Variants in KAZN observed in about 807,000 individuals in gnomAD.
The protein encoded by KAZN is kazrin.
In KAZN, 40 loss-of-function variants were observed where a neutral mutation model predicts 87.4. The observed-to-expected ratio is 0.46, with a 90% CI of 0.36 to 0.60. The LOEUF is 0.60. Among genes scored for constraint, KAZN ranks in the 20% least tolerant of loss-of-function variants. The pLI is 0.00. For synonymous variants in KAZN, 466 were observed against 458.3 expected (o/e 1.02, Z -0.22); for missense variants, 898 against 1,073.9 (o/e 0.84, Z 2.29).
intron 1 of KAZN, among the ~76,000 whole-genome samples, chr1:14,851,844 G>A (rs1486485226): frequency 6.6e-6 from 1 of 152,172 alleles, no homozygotes; most frequent in Non-Finnish European, 1.5e-5. Context: ...ACTGTGTAGC[G>A]ATCGCTCCAC....
At chr1:14,472,195 C>T (rs748795684) in intron 2 of KAZN, among the ~76,000 whole-genome samples, 1 of 152,188 alleles carries the variant, frequency 6.6e-6, no homozygotes, top group Admixed American at 6.5e-5. Context: ...TGAAAGGCCC[C>T]ACCTGTACTA....
chr1:14,181,410 G>T (rs186551496), intron 2 of KAZN, among the ~76,000 whole-genome samples: 1 of 152,156 alleles, frequency 6.6e-6, no homozygotes, highest in Non-Finnish European at 1.5e-5. Flanking sequence ...CTTTCATTCC[G>T]CTCTGTAGCA....
intron 1 of KAZN, among the ~76,000 whole-genome samples, chr1:14,680,318 A>G (rs748524227): frequency 6.6e-6 from 1 of 152,058 alleles, no homozygotes. Context: ...GTTCCTACGT[A>G]GCCCTCCCCC....
At chr1:14,167,667 G>A (rs1425731174) in intron 1 of KAZN, among the ~76,000 whole-genome samples, 3 of 152,174 alleles carry the variant, frequency 2.0e-5, no homozygotes, top group Non-Finnish European at 2.9e-5. Context: ...AGGTTGCAGC[G>A]AGCCGAGATC....
intron 1 of KAZN, among the ~76,000 whole-genome samples, chr1:14,639,630 C>T (rs1021573081): frequency 4.6e-5 from 7 of 152,130 alleles, no homozygotes; most frequent in Admixed American, 2.6e-4. Flanking sequence ...TTTGTTCTCA[C>T]AAGCTGTTTG....
intron 2 of KAZN, among the ~76,000 whole-genome samples, chr1:14,997,366 G>A (rs1299304111): frequency 4.6e-5 from 7 of 151,760 alleles, no homozygotes; most frequent in African/African-American, 1.5e-4. Flanking sequence ...TCAGCCTCCC[G>A]AGTAGCTGGG....
intron 1 of KAZN, among the ~76,000 whole-genome samples, chr1:13,996,218 A>T (rs1639510679): frequency 6.6e-6 from 1 of 152,144 alleles, no homozygotes; most frequent in African/African-American, 2.4e-5. Context: ...AGATCGGAAG[A>T]TCCCACTCAC....
rs559577704 is a variant in KAZN at position 14,835,117 on chromosome 1, C to T, written c.227-125567C>T. ...TCATTAGAAATGCCCATCCCGCCAG[C>T]GGGATCAGAGTTTCTTGATCCCTCC... On this transcript the variant is annotated intron_variant, in intron 1 of 14. Coordinates refer to ENST00000376030, the MANE Select transcript of KAZN (RefSeq NM_201628.3). Among the ~76,000 whole-genome samples the T allele has an allele frequency of 1.8e-4, 27 of 152,324 alleles. No individual in the cohort carries two copies. The South Asian group carries it at 4.8e-3, about 27-fold the overall frequency.
At position 14,203,703 on chromosome 1, in the gene KAZN, A is replaced by G. The variant is rs1646685766; in HGVS notation, c.249+23111A>G. Reference sequence around the variant, plus strand: ...ACCCAATAAACTTAGGTACAACTCAATGTGCGCTAAAGTAATTTTAGAAAC... The same window carrying G: ...ACCCAATAAACTTAGGTACAACTCAGTGTGCGCTAAAGTAATTTTAGAAAC... On this transcript the variant is annotated intron_variant, in intron 2 of 16. Transcript: ENST00000636203. Among the ~76,000 whole-genome samples the G allele has an allele frequency of 2.6e-5, 4 of 152,218 alleles. No homozygotes were observed. In the South Asian group the frequency reaches 8.3e-4, roughly 32 times the overall value.
chr1:14,079,876 C>T (rs1026296657), intron 1 of KAZN, among the ~76,000 whole-genome samples: 1 of 151,998 alleles, frequency 6.6e-6, no homozygotes, highest in Non-Finnish European at 1.5e-5. Flanking sequence ...CCCAAACCCC[C>T]ACCACTTCCC....
intron 2 of KAZN, among the ~76,000 whole-genome samples, chr1:14,404,264 T>C (rs762103659): frequency 2.0e-5 from 3 of 152,166 alleles, no homozygotes; most frequent in Non-Finnish European, 2.9e-5. Context: ...GAACCTCAGG[T>C]AGCCCTTTCC....
At chr1:14,406,809 T>C (rs1259862327) in intron 2 of KAZN, among the ~76,000 whole-genome samples, 4 of 152,218 alleles carry the variant, frequency 2.6e-5, no homozygotes, top group Non-Finnish European at 4.4e-5. Context: ...CCAGTCAAGT[T>C]GACACATAAA....
At chr1:14,468,686 CAG>C (rs1668291349) in intron 2 of KAZN, among the ~76,000 whole-genome samples, 1 of 152,202 alleles carries the variant, frequency 6.6e-6, no homozygotes, top group Admixed American at 6.5e-5. Flanking sequence ...AGATTGAGTG[CAG>C]GCAAGGCACA....
intron 2 of KAZN, among the ~76,000 whole-genome samples, chr1:14,271,716 A>G (rs1326150722): frequency 6.6e-6 from 1 of 152,308 alleles, no homozygotes; most frequent in East Asian, 1.9e-4. Flanking sequence ...CTTAATTCTA[A>G]TTCTCAAGAT....
At chr1:14,268,880 A>G (rs1267971771) in intron 2 of KAZN, among the ~76,000 whole-genome samples, 3 of 152,366 alleles carry the variant, frequency 2.0e-5, no homozygotes, top group East Asian at 1.9e-4. Flanking sequence ...AGCAACTTCC[A>G]TCATTTTTCA....
intron 1 of KAZN, among the ~76,000 whole-genome samples, chr1:14,033,949 C>A (rs1389590735): frequency 6.6e-6 from 1 of 152,158 alleles, no homozygotes; most frequent in African/African-American, 2.4e-5. Flanking sequence ...GAGCTGAGAC[C>A]AGCAGACTGG....
chr1:14,524,847 C>T (rs1671780316), intron 2 of KAZN, among the ~76,000 whole-genome samples: 1 of 152,208 alleles, frequency 6.6e-6, no homozygotes, highest in African/African-American at 2.4e-5. Flanking sequence ...TTCTTTAAAA[C>T]ACCAGCAAAG....
chr1:14,665,932 C>CAAAAAAAA (rs60081619), intron 1 of KAZN, among the ~76,000 whole-genome samples: 13 of 108,006 alleles, frequency 1.2e-4, no homozygotes, highest in African/African-American at 1.8e-4. Context: ...AAGCTTTGCT[C>CAAAAAAAA]AAAAAAAAAA....
At chr1:15,076,249 G>A (rs1336066671) in intron 8 of KAZN, among the ~76,000 whole-genome samples, 3 of 152,234 alleles carry the variant, frequency 2.0e-5, no homozygotes, top group Admixed American at 2.0e-4. Context: ...GGCAGCTTGA[G>A]TGTGTGAGCC....
Sources: allele counts gnomAD v4.1 joint callset (sites outside exome capture counted in the v4.1 genomes callset), GRCh38; gene constraint gnomAD v4.1.1; transcripts MANE v1.5; gene names NCBI Gene and HGNC (gene_info 2026-07-23, HGNC 2026-07-21).